DCDC2C: variants seen among roughly 807,000 people sequenced by gnomAD.
DCDC2C encodes doublecortin domain-containing protein 2C.
A neutral mutation model predicts 45.0 loss-of-function variants in DCDC2C; 44 were observed. The observed-to-expected ratio is 0.98, with a 90% confidence interval of 0.77 to 1.26. The LOEUF (loss-of-function observed/expected upper bound fraction) is 1.26. Among genes scored for constraint, DCDC2C ranks in the 50% most tolerant of loss-of-function variants. The pLI is 0.00. For missense variants in DCDC2C, 447 were observed against 468.9 expected, an observed-to-expected ratio of 0.95 and a Z score of 0.43; for synonymous variants, 187 against 178.8, an observed-to-expected ratio of 1.05 and a Z score of -0.37.
At chr2:3,833,401 T>C (rs189621708) in intron 10 of DCDC2C, among the ~76,000 whole-genome samples, 1 of 152,338 alleles carries the variant, frequency 6.6e-6, no homozygotes, top group African/African-American at 2.4e-5. Context: ...CTGTATCTTG[T>C]AGTCACATAA....
Position 3,778,828 on chromosome 2 carries a change from A to C in DCDC2C, c.967A>C (p.Ile323Leu), listed in dbSNP as rs773588776. The change falls in exon 9 of 11, where the codon ATA becomes CTA. Residue 323 changes from isoleucine to leucine, a missense_variant. Ile to Leu is a conservative substitution (Grantham distance 5). Coordinates refer to ENST00000399143, the MANE Select transcript of DCDC2C (RefSeq NM_001287444.2). Reference sequence around the variant, plus strand: ...ATTTTCTCCCCAGAGACAAGCTGAGATAGTTAAAGAAGATGAAGAGATACA... The same window carrying C: ...ATTTTCTCCCCAGAGACAAGCTGAGCTAGTTAAAGAAGATGAAGAGATACA... ...EVPVDQRQAE[I>L]VKEDEEIHEN... The C allele has an allele frequency of 1.7e-5, 27 of 1,550,956 alleles. No homozygotes were observed. Among genetic ancestry groups the C allele is most frequent in the Non-Finnish European group, 2.2e-5 (25 of 1,147,106 alleles).
At chr2:3,773,611 CA>C (rs1670246574) in intron 8 of DCDC2C, among the ~76,000 whole-genome samples, 1 of 152,210 alleles carries the variant, frequency 6.6e-6, no homozygotes, top group Admixed American at 6.5e-5. Flanking sequence ...TACATTTTTA[CA>C]AAAGCAAGGT....
chr2:3,834,654 C>A (rs1256144677), intron 10 of DCDC2C, among the ~76,000 whole-genome samples: 1 of 152,210 alleles, frequency 6.6e-6, no homozygotes, highest in African/African-American at 2.4e-5. Context: ...AGATCTGTAA[C>A]TTAACCTAGT....
At chr2:3,740,884 A>G (rs1395165433) in intron 3 of DCDC2C, among the ~76,000 whole-genome samples, 2 of 150,596 alleles carry the variant, frequency 1.3e-5, no homozygotes, top group African/African-American at 5.0e-5. Flanking sequence ...GGAAGAAGAC[A>G]AAAAATGGCA....
At position 3,840,073 on chromosome 2, in the gene DCDC2C, A is replaced by G. The variant is rs185580941; in HGVS notation, c.1066-7081A>G. ...TGGAAAAGTTTTATTGCATTTATTT[A>G]TATTATATTCGTGTGGATTTGTGTG... On this transcript the variant is annotated intron_variant, in intron 10 of 10. Transcript: ENST00000399143. Among the ~76,000 whole-genome samples the G allele has an allele frequency of 5.3e-5, 8 of 152,274 alleles. No homozygotes were observed. The East Asian group carries it at 1.5e-3, about 29-fold the overall frequency.
intron 6 of DCDC2C, among the ~76,000 whole-genome samples, chr2:3,759,836 G>A (rs1479208559): frequency 6.6e-6 from 1 of 152,234 alleles, no homozygotes; most frequent in Non-Finnish European, 1.5e-5. Flanking sequence ...GGAATAGAAG[G>A]ATGGGGCTCC....
intron 10 of DCDC2C, among the ~76,000 whole-genome samples, chr2:3,837,657 C>G (rs1221475373): frequency 1.8e-4 from 6 of 32,992 alleles, no homozygotes; most frequent in African/African-American, 5.2e-4. Flanking sequence ...TTCTGTCACA[C>G]CTACATACCT....
rs1008950975 is a variant in DCDC2C, at chr2:3,703,775, G to A, written c.24G>A (p.Ala8=). The A allele has an allele frequency of 8.1e-7, 1 of 1,235,586 alleles. No homozygotes were observed. The highest frequency in any genetic ancestry group is 3.9e-5 in the South Asian group (1 of 25,510). 76.5% of individuals were successfully genotyped at this position (1,235,586 alleles called of 1,614,324 possible). MGTRGPS[A]PVDTTPAKTI... ...CTATGGGAACCCGCGGGCCCTCCGC[G>A]CCGGTGGACACCACGCCCGCCAAGA... The change falls in exon 1 of 11, where the codon GCG becomes GCA. Residue 8 remains alanine (A), a synonymous_variant. Coordinates refer to ENST00000399143, the MANE Select transcript of DCDC2C (RefSeq NM_001287444.2). The surrounding 1 kb of genome is among the most constrained non-coding windows in gnomAD (Gnocchi z 4.4).
intron 3 of DCDC2C, among the ~76,000 whole-genome samples, chr2:3,740,741 A>G (rs1572575856): frequency 6.6e-6 from 1 of 152,204 alleles, no homozygotes; most frequent in East Asian, 1.9e-4. Context: ...CTCTGGGTTG[A>G]TTGGAAGCCT....
rs564509909 is a variant in DCDC2C at position 3,725,078 on chromosome 2, G to A, written c.340-1925G>A. On this transcript the variant is annotated intron_variant, in intron 2 of 10. Coordinates refer to ENST00000399143, the MANE Select transcript of DCDC2C (RefSeq NM_001287444.2). ...GCCCTATTGACAGGTTCAGGCCCCC[G>A]ACCTTCTGGGGGATGGGGTGCAGGT... Among the ~76,000 whole-genome samples the A allele has an allele frequency of 4.6e-5, 7 of 152,280 alleles. No homozygotes were observed. The East Asian group carries it at 1.2e-3, about 25-fold the overall frequency.
intron 6 of DCDC2C, among the ~76,000 whole-genome samples, chr2:3,760,949 A>G (rs1236705282): frequency 1.3e-5 from 2 of 152,168 alleles, no homozygotes; most frequent in South Asian, 2.1e-4. Context: ...GCATTATTCT[A>G]TTGGTTCACT....
intron 4 of DCDC2C, among the ~76,000 whole-genome samples, chr2:3,744,765 C>T (rs114963552): frequency 0.012 from 1,875 of 152,264 alleles, 37 homozygotes; most frequent in African/African-American, 0.044. Context: ...ACTGTCGAGC[C>T]GTTTAGAGCA....
At chr2:3,768,386 C>T (rs1201791507) in intron 7 of DCDC2C, among the ~76,000 whole-genome samples, 1 of 152,040 alleles carries the variant, frequency 6.6e-6, no homozygotes, top group Non-Finnish European at 1.5e-5. Context: ...TTACTGGGTG[C>T]CCAGCTCTGA....
At chr2:3,710,099 A>T (rs538885888) in intron 2 of DCDC2C, among the ~76,000 whole-genome samples, 1 of 152,192 alleles carries the variant, frequency 6.6e-6, no homozygotes, top group Non-Finnish European at 1.5e-5. Context: ...AGTAGTTCTC[A>T]TTGACAGAGG....
chr2:3,789,614 G>A (rs967227353), intron 10 of DCDC2C, among the ~76,000 whole-genome samples: 1 of 152,160 alleles, frequency 6.6e-6, no homozygotes, highest in African/African-American at 2.4e-5. Flanking sequence ...TTGCATTCAA[G>A]TTTTCAACAA....
chr2:3,738,288 G>A (rs909567021), intron 3 of DCDC2C, among the ~76,000 whole-genome samples: 1 of 152,046 alleles, frequency 6.6e-6, no homozygotes, highest in African/African-American at 2.4e-5. Context: ...TGAGCAATGA[G>A]ATTGAAATAA....
At chr2:3,782,623 C>T (rs1015560643) in intron 9 of DCDC2C, among the ~76,000 whole-genome samples, 1 of 152,190 alleles carries the variant, frequency 6.6e-6, no homozygotes, top group Non-Finnish European at 1.5e-5. Context: ...GGACTACAGG[C>T]ACCTGCCACC....
intron 2 of DCDC2C, among the ~76,000 whole-genome samples, chr2:3,720,243 G>A (rs1381286131): frequency 1.3e-5 from 2 of 152,240 alleles, no homozygotes; most frequent in Non-Finnish European, 2.9e-5. Flanking sequence ...AAGGGTCTGT[G>A]AGGACGTAGC....
chr2:3,805,494 G>A (rs924619655), intron 10 of DCDC2C, among the ~76,000 whole-genome samples: 2 of 152,204 alleles, frequency 1.3e-5, no homozygotes, highest in African/African-American at 2.4e-5. Flanking sequence ...AGTCTAAAGA[G>A]GGGCTTTATT....
Sources: allele counts gnomAD v4.1 joint callset (sites outside exome capture counted in the v4.1 genomes callset), GRCh38; gene constraint gnomAD v4.1.1; non-coding constraint Gnocchi (gnomAD v3.1); transcripts MANE v1.5; gene names NCBI Gene and HGNC (gene_info 2026-07-23, HGNC 2026-07-21).